ADGRL3: variants seen among roughly 807,000 people sequenced by gnomAD.
ADGRL3 encodes adhesion G protein-coupled receptor L3.
Under a neutral mutation model 153.5 loss-of-function variants are expected in ADGRL3, and 62 were observed. That is an observed-to-expected ratio of 0.40 (90% CI 0.33 to 0.50). The LOEUF is 0.50. Among genes scored for constraint, ADGRL3 ranks in the 20% least tolerant of loss-of-function variants. The probability of loss-of-function intolerance (pLI) is 0.47; values close to 1 mark genes in which losing one functional copy is unlikely to be tolerated. For synonymous variants in ADGRL3, 710 were observed against 672.5 expected, an observed-to-expected ratio of 1.06 and a Z score of -0.86; for missense variants, 1,641 against 1,859.4, an observed-to-expected ratio of 0.88 and a Z score of 2.16.
intron 8 of ADGRL3, among the ~76,000 whole-genome samples, chr4:61,762,959 T>C (rs1234508100): frequency 1.3e-5 from 2 of 152,114 alleles, no homozygotes; most frequent in Non-Finnish European, 2.9e-5. Context: ...TCCATTCAGT[T>C]TTGGTGCTAC....
intron 26 of ADGRL3, 70 bp downstream of exon 26, chr4:62,068,253 A>G (rs1365147832): frequency 1.4e-6 from 2 of 1,393,720 alleles, no homozygotes; most frequent in Admixed American, 4.0e-5. Context: ...TGCATCACAT[A>G]TAGATGATGT....
intron 21 of ADGRL3, among the ~76,000 whole-genome samples, chr4:62,024,984 T>A (rs890890220): frequency 6.6e-6 from 1 of 151,576 alleles, no homozygotes. Context: ...CTTCCTATAG[T>A]GATGAACAAA....
intron 1 of ADGRL3, among the ~76,000 whole-genome samples, chr4:61,271,929 A>G (rs2093205336): frequency 6.6e-6 from 1 of 152,046 alleles, no homozygotes; most frequent in South Asian, 2.1e-4. Flanking sequence ...TTTAATGCAA[A>G]GCAAGAGGAA....
Position 61,667,586 on chromosome 4 carries a change from C to T in ADGRL3, c.474-9240C>T, listed in dbSNP as rs561253067. On this transcript the variant is annotated intron_variant, in intron 5 of 26. Transcript: ENST00000683033. ...AAAAATTTCTTAATGTTTGATATTT[C>T]ACATTTTGTGAGGTTTTACGTAAGT... is the stretch of plus-strand genomic sequence containing the variant. Among the ~76,000 whole-genome samples, 4 of 152,204 alleles carry T rather than the reference C, an allele frequency of 2.6e-5. No homozygotes were observed. The South Asian group carries it at 8.3e-4, about 32-fold the overall frequency.
chr4:61,835,065 A>C (rs1224399851), intron 9 of ADGRL3, among the ~76,000 whole-genome samples: 1 of 152,168 alleles, frequency 6.6e-6, no homozygotes, highest in Non-Finnish European at 1.5e-5. Context: ...CTTATTATAC[A>C]CCAAGGGTAA....
At chr4:61,750,179 G>A (rs1351816128) in intron 8 of ADGRL3, among the ~76,000 whole-genome samples, 1 of 75,556 alleles carries the variant, frequency 1.3e-5, no homozygotes, top group Admixed American at 2.0e-4. Context: ...AAAAGGGGAT[G>A]GTTAAAAAAA....
intron 9 of ADGRL3, among the ~76,000 whole-genome samples, chr4:61,884,576 T>A (rs901464052): frequency 6.6e-6 from 1 of 152,136 alleles, no homozygotes; most frequent in Non-Finnish European, 1.5e-5. Flanking sequence ...AAAGATTACT[T>A]CCTCTACTCT....
At chr4:61,368,851 C>G (rs1205824204) in intron 1 of ADGRL3, among the ~76,000 whole-genome samples, 1 of 152,168 alleles carries the variant, frequency 6.6e-6, no homozygotes, top group Non-Finnish European at 1.5e-5. Context: ...TTGATTCTTC[C>G]TACCCATGAG....
intron 8 of ADGRL3, among the ~76,000 whole-genome samples, chr4:61,804,560 AC>A (rs1223681355): frequency 6.6e-6 from 1 of 152,002 alleles, no homozygotes; most frequent in Non-Finnish European, 1.5e-5. Flanking sequence ...GAACACTGGA[AC>A]CATACTGGAG....
chr4:61,656,563 C>G (rs942375025), intron 5 of ADGRL3, among the ~76,000 whole-genome samples: 1 of 151,974 alleles, frequency 6.6e-6, no homozygotes, highest in South Asian at 2.1e-4. Flanking sequence ...AAATGAAAGT[C>G]AAGAAAAGAT....
At chr4:61,728,480 T>G (rs1029677940) in intron 6 of ADGRL3, among the ~76,000 whole-genome samples, 4 of 152,192 alleles carry the variant, frequency 2.6e-5, no homozygotes, top group Non-Finnish European at 5.9e-5. Context: ...TTGCCAATAC[T>G]TTTTTGTTAC....
intron 8 of ADGRL3, among the ~76,000 whole-genome samples, chr4:61,753,110 A>G (rs1292950910): frequency 6.6e-6 from 1 of 151,830 alleles, no homozygotes; most frequent in African/African-American, 2.4e-5. Flanking sequence ...AGGATAGTTC[A>G]GTTAAATAAT....
At chr4:61,990,139 C>T (rs1040971421) in intron 19 of ADGRL3, among the ~76,000 whole-genome samples, 8 of 151,846 alleles carry the variant, frequency 5.3e-5, no homozygotes, top group Non-Finnish European at 5.9e-5. Context: ...ATGGGAATAC[C>T]CAATGCCCAT....
chr4:61,683,752 G>A (rs1497900), intron 6 of ADGRL3, among the ~76,000 whole-genome samples: 2 of 151,962 alleles, frequency 1.3e-5, no homozygotes, highest in African/African-American at 4.8e-5. Flanking sequence ...GCTTTAAACT[G>A]TCTTTGGCTT....
chr4:61,697,137 T>G (rs908346241), intron 6 of ADGRL3, among the ~76,000 whole-genome samples: 1 of 152,070 alleles, frequency 6.6e-6, no homozygotes, highest in Non-Finnish European at 1.5e-5. Context: ...CTTAAAAAAT[T>G]TATCACCAAA....
At chr4:61,963,819 G>A (rs532056140) in intron 17 of ADGRL3, among the ~76,000 whole-genome samples, 1 of 152,160 alleles carries the variant, frequency 6.6e-6, no homozygotes, top group South Asian at 2.1e-4. Flanking sequence ...AATAAAATTG[G>A]CTAAAAATAG....
chr4:61,726,344 A>C (rs767820109), intron 6 of ADGRL3, among the ~76,000 whole-genome samples: 1 of 151,508 alleles, frequency 6.6e-6, no homozygotes. Flanking sequence ...GATTACAGTC[A>C]TGCATCACCC....
At chr4:61,818,797 C>T (rs1478882652) in intron 9 of ADGRL3, among the ~76,000 whole-genome samples, 1 of 152,124 alleles carries the variant, frequency 6.6e-6, no homozygotes, top group Non-Finnish European at 1.5e-5. Flanking sequence ...ATCAGACTCT[C>T]CTAAATTGTT....
chr4:61,983,824 A>G (rs193292439), intron 19 of ADGRL3, among the ~76,000 whole-genome samples: 65 of 152,282 alleles, frequency 4.3e-4, no homozygotes, highest in African/African-American at 1.6e-3. Flanking sequence ...CTACATCTAC[A>G]TCATAACCTT....
Sources: gnomAD v4.1 joint callset for allele counts (sites outside exome capture counted in the v4.1 genomes callset) on GRCh38, gnomAD v4.1.1 for gene constraint, MANE v1.5 for transcripts, NCBI Gene and HGNC (gene_info 2026-07-23, HGNC 2026-07-21) for gene names.